Variants in DTNB observed in about 807,000 individuals in gnomAD.
The protein encoded by DTNB is DTN-B.
Under a neutral mutation model 90.7 loss-of-function variants are expected in DTNB, and 63 were observed. That is an observed-to-expected ratio of 0.69 (90% CI 0.57 to 0.86). The LOEUF (loss-of-function observed/expected upper bound fraction) is 0.86, where lower values mean the gene tolerates loss of function less well. DTNB is among the 40% of genes least tolerant of loss of function. The pLI is 0.00. For synonymous variants in DTNB, 277 were observed against 286.7 expected (o/e 0.97, Z 0.34); for missense variants, 744 against 807.1 (o/e 0.92, Z 0.95).
At chr2:25,564,249 C>A (rs1273335096) in intron 8 of DTNB, among the ~76,000 whole-genome samples, 1 of 152,158 alleles carries the variant, frequency 6.6e-6, no homozygotes, top group Non-Finnish European at 1.5e-5. Flanking sequence ...TGGGGTTATG[C>A]AGAAAAGCAG....
At chr2:25,393,651 T>C (rs1301062891) in intron 16 of DTNB, among the ~76,000 whole-genome samples, 2 of 151,526 alleles carry the variant, frequency 1.3e-5, no homozygotes, top group South Asian at 2.1e-4. Context: ...AAAAATAAAA[T>C]AAAATAAAAT....
chr2:25,650,779 G>A (rs2080743718), intron 2 of DTNB, among the ~76,000 whole-genome samples: 1 of 152,122 alleles, frequency 6.6e-6, no homozygotes, highest in Admixed American at 6.5e-5. Flanking sequence ...CGGCCAACAT[G>A]GTGAAACCCC....
At chr2:25,457,261 T>G (rs2060192560) in intron 10 of DTNB, among the ~76,000 whole-genome samples, 2 of 151,978 alleles carry the variant, frequency 1.3e-5, no homozygotes, top group Non-Finnish European at 2.9e-5. Context: ...CCACCCACCT[T>G]GGCCTCCCAG....
At chr2:25,457,859 G>C (rs1424954101) in intron 10 of DTNB, among the ~76,000 whole-genome samples, 1 of 152,030 alleles carries the variant, frequency 6.6e-6, no homozygotes, top group Admixed American at 6.6e-5. Flanking sequence ...TTTTGAGACA[G>C]AGTATTACTC....
chr2:25,402,526 G>A (rs1452089233), intron 16 of DTNB, among the ~76,000 whole-genome samples: 1 of 147,870 alleles, frequency 6.8e-6, no homozygotes, highest in Non-Finnish European at 1.5e-5. Flanking sequence ...CTAGACACTG[G>A]AGAGAGGGGC....
At chr2:25,494,808 G>A (rs149712716) in intron 9 of DTNB, among the ~76,000 whole-genome samples, 69 of 152,032 alleles carry the variant, frequency 4.5e-4, no homozygotes, top group Middle Eastern at 6.8e-3. Flanking sequence ...TGCCTACTCT[G>A]GCATTCAGCA....
At chr2:25,614,537 C>T (rs1377917020) in intron 4 of DTNB, among the ~76,000 whole-genome samples, 3 of 152,026 alleles carry the variant, frequency 2.0e-5, no homozygotes, top group Non-Finnish European at 4.4e-5. Context: ...ATTGGAAATA[C>T]AACAGCAACA....
intron 19 of DTNB, 114 bp from the exon 20 acceptor site, chr2:25,379,437 C>T: frequency 2.0e-5 from 25 of 1,230,044 alleles, no homozygotes; most frequent in Non-Finnish European, 2.6e-5. Flanking sequence ...TTCCTTGCTT[C>T]TCCCGTTACT....
chr2:25,485,359 G>T (rs1298645644), intron 9 of DTNB, among the ~76,000 whole-genome samples: 1 of 151,860 alleles, frequency 6.6e-6, no homozygotes, highest in Non-Finnish European at 1.5e-5. Context: ...TTCCTTTTTG[G>T]TATTCTCAGA....
intron 16 of DTNB, among the ~76,000 whole-genome samples, chr2:25,410,136 T>C (rs924440776): frequency 6.6e-6 from 1 of 152,208 alleles, no homozygotes; most frequent in African/African-American, 2.4e-5. Context: ...CAGTGTGTCC[T>C]AGGAATTCAA....
chr2:25,623,349 G>T (rs529100923), intron 4 of DTNB, among the ~76,000 whole-genome samples: 2 of 152,192 alleles, frequency 1.3e-5, no homozygotes, highest in Non-Finnish European at 2.9e-5. Context: ...GATTCCAGAG[G>T]GGGAAGCAAA....
At chr2:25,633,061 A>C (rs965387404) in intron 3 of DTNB, among the ~76,000 whole-genome samples, 2 of 152,230 alleles carry the variant, frequency 1.3e-5, no homozygotes, top group Non-Finnish European at 2.9e-5. Context: ...TCTACAGATA[A>C]ATTAATATGA....
chr2:25,602,424 C>T (rs1007454810), intron 5 of DTNB, among the ~76,000 whole-genome samples: 2 of 152,194 alleles, frequency 1.3e-5, no homozygotes, highest in African/African-American at 2.4e-5. Context: ...ACAGTCACTT[C>T]CATCTACTGA....
chr2:25,411,422 T>C (rs1336264635), intron 16 of DTNB, among the ~76,000 whole-genome samples: 2 of 152,078 alleles, frequency 1.3e-5, no homozygotes, highest in Admixed American at 6.5e-5. Context: ...TTTCCTCTTT[T>C]TGGAAAAAAA....
At chr2:25,480,838 C>T (rs1305557548) in intron 10 of DTNB, among the ~76,000 whole-genome samples, 1 of 152,164 alleles carries the variant, frequency 6.6e-6, no homozygotes, top group Non-Finnish European at 1.5e-5. Context: ...GGTTTGAATG[C>T]TATGGGTGTT....
At chr2:25,471,167 G>A (rs568535519) in intron 10 of DTNB, among the ~76,000 whole-genome samples, 2 of 152,158 alleles carry the variant, frequency 1.3e-5, no homozygotes, top group African/African-American at 4.8e-5. Context: ...AGACAAACAA[G>A]CCCAATGACA....
At chr2:25,507,310 T>G (rs1485398953) in intron 9 of DTNB, among the ~76,000 whole-genome samples, 4 of 152,218 alleles carry the variant, frequency 2.6e-5, no homozygotes, top group African/African-American at 9.7e-5. Context: ...TGTGGCTTGA[T>G]GTATTTAGAA....
Position 25,526,395 on chromosome 2 carries a change from A to ATATATTTT in DTNB, c.1001+5077_1001+5078insAAAATATA. On this transcript the variant is annotated intron_variant, in intron 9 of 20. Coordinates refer to ENST00000406818, the MANE Select transcript of DTNB (RefSeq NM_021907.5). The stretch of plus-strand genomic sequence containing the variant: ...TATATATATATATATATATATATAT[A>ATATATTTT]TTTTTTTTTTTTTAATTGAGACAGA... 2.4e-3 allele frequency among the ~76,000 whole-genome samples: 119 copies of ATATATTTT among 49,828 alleles called. 2 individuals carry two copies. Among genetic ancestry groups the ATATATTTT allele is most frequent in the African/African-American group, 8.3e-3 (85 of 10,254 alleles). 32.7% of individuals were successfully genotyped at this position (49,828 alleles called of 152,430 possible).
intron 16 of DTNB, among the ~76,000 whole-genome samples, chr2:25,409,411 G>C (rs565881843): frequency 6.6e-6 from 1 of 152,312 alleles, no homozygotes; most frequent in East Asian, 1.9e-4. Context: ...GGTTTGTAAA[G>C]GTTACGTGCT....
Sources: allele counts gnomAD v4.1 joint callset (sites outside exome capture counted in the v4.1 genomes callset), GRCh38; gene constraint gnomAD v4.1.1; transcripts MANE v1.5; gene names NCBI Gene and HGNC (gene_info 2026-07-23, HGNC 2026-07-21).